The following PSG4 variants were observed in gnomAD, a reference collection of about 807,000 sequenced individuals.
The protein encoded by PSG4 is pregnancy specific beta-1-glycoprotein 4, also known as pregnancy-specific beta-1-glycoprotein 4.
A neutral mutation model predicts 44.3 loss-of-function variants in PSG4; 61 were observed. The observed-to-expected ratio is 1.38, with a 90% CI of 1.12 to 1.70. PSG4 has a LOEUF of 1.70. Among genes scored for constraint, PSG4 ranks in the 40% most tolerant of loss-of-function variants. The pLI, the probability that PSG4 is intolerant of heterozygous loss-of-function variation, is 0.00. For synonymous variants in PSG4, 248 were observed against 191.3 expected (o/e 1.30, Z -2.45); for missense variants, 677 against 511.7 (o/e 1.32, Z -3.12).
chr19:43,193,838 G>T (rs1234719124), intron 5 of PSG4: 4 of 590,522 alleles, frequency 6.8e-6, no homozygotes, highest in Non-Finnish European at 9.2e-6. Context: ...AGAGCAGATT[G>T]TTACTGTACT....
chr19:43,197,344 G>T (rs1427087791), intron 3 of PSG4, among the ~76,000 whole-genome samples: 5 of 145,626 alleles, frequency 3.4e-5, no homozygotes, highest in African/African-American at 5.3e-5. Context: ...CCACTTACCA[G>T]GCACTATGAT....
intron 5 of PSG4, chr19:43,193,605 A>G: frequency 1.7e-6 from 1 of 593,644 alleles, no homozygotes; most frequent in Non-Finnish European, 3.0e-6. Context: ...GTAGCAATAG[A>G]CCATGTAGGC....
In PSG4 at chr19:43,193,322, G is replaced by T. The variant is rs1331012122; in HGVS notation, c.*50C>A. ...GGGCTTCTGGAACAGAGTGGGTCTT[G>T]CTCTTCGTGATTCCATGGGAGAAAA... On this transcript the variant is annotated 3_prime_UTR_variant, in exon 6 of 6. Coordinates refer to ENST00000405312, the MANE Select transcript of PSG4 (RefSeq NM_002780.5). 4 of 774,940 alleles carry T rather than the reference G, an allele frequency of 5.2e-6. No individual in the cohort carries two copies. Among genetic ancestry groups the T allele is most frequent in the African/African-American group, 1.7e-5 (1 of 58,780 alleles). 48.0% of individuals were successfully genotyped at this position (774,940 alleles called of 1,614,324 possible).
chr19:43,204,033 A>G lies in PSG4; in HGVS notation c.283T>C (p.Tyr95His). 3.1e-6 allele frequency: 5 copies of G among 1,587,500 alleles called. 1 individual carries two copies. The highest frequency in any genetic ancestry group is 4.3e-6 in the Non-Finnish European group (5 of 1,171,446). Residue 95 changes from tyrosine (Y) to histidine (H), a missense_variant, in exon 2 of 6, where the codon TAC (tyrosine) becomes CAC (histidine). Physicochemically the swap from Tyr to His is moderately conservative, Grantham distance 83. Coordinates refer to ENST00000405312, the MANE Select transcript of PSG4 (RefSeq NM_002780.5). ...GAATATACTCTTTCTCTTCCACTGT[A>G]TGCAGGCCCATATATAATTCTTTGA... Reference protein sequence around the residue: ...DGQRIIYGPAYSGRERVYSNA... With the variant: ...DGQRIIYGPAHSGRERVYSNA...
intron 3 of PSG4, among the ~76,000 whole-genome samples, 183 bp from the exon 4 acceptor site, chr19:43,195,456 C>T (rs1445404407): frequency 6.6e-6 from 1 of 151,444 alleles, no homozygotes; most frequent in Non-Finnish European, 1.5e-5. Context: ...TGTGAGGCCA[C>T]CTGCTCTGTT....
chr19:43,203,353 G>A lies in PSG4; in HGVS notation c.430+533C>T, dbSNP rs531869916. The stretch of plus-strand genomic sequence containing the variant: ...GATGAGGCTCTGAGGGCTGAGCCCT[G>A]GCTGGTGAACAGCTCCAGGAGACAC... On this transcript the variant is annotated intron_variant, in intron 2 of 5. Transcript: ENST00000405312. 14 of 151,726 alleles carry A rather than the reference G, an allele frequency of 9.2e-5. 2 individuals carry two copies. The highest frequency in any genetic ancestry group is 8.0e-4 in the Admixed American group (13 of 16,200). The allele number at this position is 151,726 out of a possible 1,614,324, so 9.4% of individuals were successfully genotyped here. A position where few individuals can be genotyped will look rare whatever the true frequency, so the allele number is the denominator to read the frequency against.
chr19:43,202,285 G>A (rs1291399498), intron 2 of PSG4, among the ~76,000 whole-genome samples: 1 of 143,820 alleles, frequency 7.0e-6, no homozygotes, highest in Non-Finnish European at 1.5e-5. Flanking sequence ...GAGACCCCAG[G>A]GACCAGGTGC....
intron 2 of PSG4, among the ~76,000 whole-genome samples, chr19:43,201,949 T>G (rs1461050098): frequency 3.5e-5 from 5 of 143,654 alleles, no homozygotes; most frequent in African/African-American, 8.2e-5. Context: ...AAAGAGCCCT[T>G]GAAGGGAATA....
intron 2 of PSG4, among the ~76,000 whole-genome samples, chr19:43,202,896 G>A (rs1273699978): frequency 6.9e-6 from 1 of 144,624 alleles, no homozygotes; most frequent in African/African-American, 2.7e-5. Flanking sequence ...TGGAGGAGAG[G>A]AAGGGCCTGT....
intron 3 of PSG4, chr19:43,196,705 T>G (rs1201655691): frequency 7.9e-5 from 12 of 151,540 alleles, no homozygotes; most frequent in Admixed American, 7.9e-4. Context: ...TGCACTCATA[T>G]ATTTTTTAAA....
At position 43,192,970 on chromosome 19, in the gene PSG4, G is replaced by C. The variant is rs1298258304; in HGVS notation, c.*402C>G. 6.3e-6 allele frequency: 3 copies of C among 478,106 alleles called. No individual in the cohort carries two copies. The highest frequency in any genetic ancestry group is 3.6e-5 in the Admixed American group (1 of 27,812). 29.6% of individuals were successfully genotyped at this position (478,106 alleles called of 1,614,324 possible). A position where few individuals can be genotyped will look rare whatever the true frequency, so the allele number is the denominator to read the frequency against. ...AGATGTTACGTAAAAGTTTGAGGTT[G>C]AGATGACATATCTGACACTCTGTTG... On this transcript the variant is annotated 3_prime_UTR_variant, in exon 6 of 6. Coordinates refer to ENST00000405312, the MANE Select transcript of PSG4 (RefSeq NM_002780.5).
intron 5 of PSG4, chr19:43,193,841 A>ACT (rs1967110500): frequency 1.7e-6 from 1 of 595,742 alleles, no homozygotes; most frequent in Non-Finnish European, 3.0e-6. Context: ...GCAGATTGTT[A>ACT]CTGTACTTGT....
intron 4 of PSG4, 76 bp downstream of exon 4, chr19:43,194,919 A>G: frequency 6.3e-7 from 1 of 1,582,268 alleles, no homozygotes; most frequent in Non-Finnish European, 8.6e-7. Flanking sequence ...GACTGGAGAG[A>G]GACTGAGAGA....
chr19:43,199,088 G>C (rs1411458323), intron 2 of PSG4, among the ~76,000 whole-genome samples: 2 of 146,408 alleles, frequency 1.4e-5, no homozygotes, highest in Non-Finnish European at 3.0e-5. Context: ...GTTTGCAAAT[G>C]CAGAACTGAC....
In PSG4 at chr19:43,193,053, A is replaced by G. The variant is rs1208498981; in HGVS notation, c.*319T>C. The G allele has an allele frequency of 3.4e-6, 2 of 587,288 alleles. No individual in the cohort carries two copies. The highest frequency in any genetic ancestry group is 6.1e-6 in the Non-Finnish European group (2 of 330,134). 36.4% of individuals were successfully genotyped at this position (587,288 alleles called of 1,614,324 possible). A position where few individuals can be genotyped will look rare whatever the true frequency, so the allele number is the denominator to read the frequency against. On this transcript the variant is annotated 3_prime_UTR_variant, in exon 6 of 6. Transcript: ENST00000405312. Reference sequence around the variant, plus strand: ...AATGACTGCATTATCCTGCCAAGTGAAAGAGGCAGGCATGAGCAAGGACGG... The same window carrying G: ...AATGACTGCATTATCCTGCCAAGTGGAAGAGGCAGGCATGAGCAAGGACGG...
Position 43,202,926 on chromosome 19 carries a change from G to C in PSG4, c.430+960C>G, listed in dbSNP as rs1051219781. Among the ~76,000 whole-genome samples the C allele has an allele frequency of 7.6e-5, 11 of 144,926 alleles. 4 individuals carry two copies. In the East Asian group the frequency reaches 1.4e-3, roughly 19 times the overall value. On this transcript the variant is annotated intron_variant, in intron 2 of 5. Coordinates refer to ENST00000405312, the MANE Select transcript of PSG4 (RefSeq NM_002780.5). The stretch of plus-strand genomic sequence containing the variant: ...GCCTGTGGCTGCAGACAGACCTCAT[G>C]TGACCCCGATCTCCCCTTTGTGTTG...
Position 43,194,563 on chromosome 19 carries a change from T to A in PSG4, c.1020A>T (p.Ser340=). The change falls in exon 5 of 6, where the codon TCA becomes TCT. Residue 340 remains serine, a synonymous_variant. Coordinates refer to ENST00000405312, the MANE Select transcript of PSG4 (RefSeq NM_002780.5). The part of the protein sequence containing the change: ...YGPDLPSIYP[S]FTYYRSGENL... ...TTTCTCCTGAACGGTAATAGGTGAA[T>A]GAAGGGTAAATGCTGGGGAGGTCTG... 1 of 1,612,150 alleles carries A rather than the reference T, an allele frequency of 6.2e-7. No individual in the cohort carries two copies. The highest frequency in any genetic ancestry group is 1.1e-5 in the South Asian group (1 of 90,994).
At chr19:43,196,314 G>A (rs1474357155) in intron 3 of PSG4, 4 of 151,654 alleles carry the variant, frequency 2.6e-5, no homozygotes, top group Non-Finnish European at 5.9e-5. Flanking sequence ...TTTGCCAGGA[G>A]CTGGGAGTGG....
At chr19:43,197,893 T>C (rs1313738730) in intron 3 of PSG4, 104 bp downstream of exon 3, 1 of 1,574,892 alleles carries the variant, frequency 6.3e-7, no homozygotes, top group Non-Finnish European at 8.6e-7. Context: ...TGTCTAGGGG[T>C]AAAGGTCTCT....
Sources: allele counts gnomAD v4.1 joint callset (sites outside exome capture counted in the v4.1 genomes callset), GRCh38; gene constraint gnomAD v4.1.1; transcripts MANE v1.5; gene names NCBI Gene and HGNC (gene_info 2026-07-23, HGNC 2026-07-21).